XIAP: variants seen among roughly 807,000 people sequenced by gnomAD.
XIAP encodes E3 ubiquitin-protein ligase XIAP.
In XIAP, 3 loss-of-function variants were observed where a neutral mutation model predicts 33.1. That is an observed-to-expected ratio of 0.09 (90% CI 0.04 to 0.23). XIAP has a LOEUF of 0.23. XIAP is among the 10% of genes least tolerant of loss of function. The pLI, the probability that XIAP is intolerant of heterozygous loss-of-function variation, is 1.00. For synonymous variants in XIAP, 98 were observed against 121.3 expected, an observed-to-expected ratio of 0.81 and a Z score of 1.26; for missense variants, 264 against 363.0, an observed-to-expected ratio of 0.73 and a Z score of 2.22.
intron 1 of XIAP, among the ~76,000 whole-genome samples, chrX:123,880,696 C>T (rs1195267854): frequency 9.9e-6 from 1 of 100,915 alleles, no homozygotes; most frequent in Non-Finnish European, 2.0e-5. Flanking sequence ...GAGATCACGC[C>T]ATTTCACTCC....
chrX:123,873,926 T>C (rs1205327425), intron 1 of XIAP: 1 of 95,225 alleles, frequency 1.1e-5, no homozygotes, highest in Non-Finnish European at 2.1e-5. Context: ...ACAGCAAGAG[T>C]CCGTCTGAAA....
chrX:123,886,396 G>A lies in XIAP; in HGVS notation c.734G>A (p.Ser245Asn). Residue 245 changes from serine (S) to asparagine (N), a missense_variant, in exon 2 of 7, where the codon AGT becomes AAT. By Grantham distance (46) the Ser-to-Asn change is conservative. Coordinates refer to ENST00000371199, the MANE Select transcript of XIAP (RefSeq NM_001167.4). ...ATTCGAAGTGAATCTGATGCTGTGA[G>A]TTCTGATAGGAATTTCCCAAATTCA... Reference protein sequence around the residue: ...LNIRSESDAVSSDRNFPNSTN... With the variant: ...LNIRSESDAVNSDRNFPNSTN... 1.7e-6 allele frequency: 2 copies of A among 1,211,867 alleles called. No individual in the cohort carries two copies. Among genetic ancestry groups the A allele is most frequent in the Admixed American group, 2.2e-5 (1 of 46,002 alleles).
rs917621009 is a variant in XIAP at position 123,909,546 on chromosome X, T to C, written c.*2365T>C. Reference sequence around the variant, plus strand: ...GTGTTAAAATTTTTAAAATATGTTTTCCAGGACACTTCACTTCCAAGTCAG... The same window carrying C: ...GTGTTAAAATTTTTAAAATATGTTTCCCAGGACACTTCACTTCCAAGTCAG... On this transcript the variant is annotated 3_prime_UTR_variant, in exon 7 of 7. Coordinates refer to ENST00000371199, the MANE Select transcript of XIAP (RefSeq NM_001167.4). The C allele has an allele frequency of 2.8e-5, 9 of 326,394 alleles. No homozygotes were observed. The highest frequency in any genetic ancestry group is 4.7e-5 in the Non-Finnish European group (8 of 169,589). The allele number at this position is 326,394 out of a possible 1,213,427, so 26.9% of individuals were successfully genotyped here. A position where few individuals can be genotyped will look rare whatever the true frequency, so the allele number is the denominator to read the frequency against.
intron 6 of XIAP, among the ~76,000 whole-genome samples, chrX:123,905,951 C>G (rs1156244229): frequency 8.9e-6 from 1 of 112,406 alleles, no homozygotes; most frequent in Non-Finnish European, 1.9e-5. Context: ...TTTAAAAATG[C>G]CCCAGGTTAT....
rs2053065842 is a variant in XIAP, at chrX:123,860,260, C to T, written c.-66C>T. The T allele has an allele frequency of 3.0e-6, 1 of 328,845 alleles. No homozygotes were observed. The highest frequency in any genetic ancestry group is 5.9e-6 in the Non-Finnish European group (1 of 169,869). The allele number at this position is 328,845 out of a possible 1,213,427, so 27.1% of individuals were successfully genotyped here. On this transcript the variant is annotated 5_prime_UTR_variant, in exon 1 of 7. Transcript: ENST00000371199. ...CCCTCCCCTTGGACCGAGCCGATCG[C>T]CGCGGGGCAGTTCGGGCCGGCTGTC... is the stretch of plus-strand genomic sequence containing the variant.
At chrX:123,898,836 A>G (rs2053483634) in intron 5 of XIAP, among the ~76,000 whole-genome samples, 1 of 104,528 alleles carries the variant, frequency 9.6e-6, no homozygotes, top group Admixed American at 1.0e-4. Context: ...ATATACATAC[A>G]GTAGCCGGGC....
chrX:123,868,398 CT>C (rs2053163890), intron 1 of XIAP, among the ~76,000 whole-genome samples: 1 of 110,859 alleles, frequency 9.0e-6, no homozygotes, highest in African/African-American at 3.3e-5. Flanking sequence ...GTTTTTAAGC[CT>C]GATTATCTGA....
At chrX:123,869,456 G>A (rs1177320710) in intron 1 of XIAP, among the ~76,000 whole-genome samples, 4 of 107,240 alleles carry the variant, frequency 3.7e-5, no homozygotes, top group African/African-American at 1.0e-4. Flanking sequence ...CCTGGGAGGT[G>A]GAGGTTGCAG....
intron 1 of XIAP, among the ~76,000 whole-genome samples, chrX:123,861,247 A>G (rs1235623126): frequency 1.8e-5 from 2 of 111,875 alleles, no homozygotes; most frequent in African/African-American, 3.2e-5. Context: ...AACCCATGTT[A>G]TCTGGCTTCT....
chrX:123,874,869 A>ATTTTTT (rs773693860), intron 1 of XIAP, among the ~76,000 whole-genome samples: 21 of 42,745 alleles, frequency 4.9e-4, no homozygotes, highest in Non-Finnish European at 6.0e-4. Flanking sequence ...TAATTCTTGT[A>ATTTTTT]TTTTTTTTTT....
At chrX:123,906,127 G>C (rs185607165) in intron 6 of XIAP, among the ~76,000 whole-genome samples, 28 of 112,902 alleles carry the variant, frequency 2.5e-4, no homozygotes, top group Admixed American at 1.9e-3. Context: ...TGCTGCTGCT[G>C]TTGTCATTAT....
intron 3 of XIAP, 72 bp downstream of exon 3, chrX:123,888,790 C>T: frequency 1.0e-6 from 1 of 960,823 alleles, no homozygotes; most frequent in Non-Finnish European, 1.5e-6. Flanking sequence ...TTACTTTTTA[C>T]CTCAACTATT....
In XIAP at chrX:123,912,889, C is replaced by T. The variant is rs1198980509; in HGVS notation, c.*5708C>T. 3.1e-6 allele frequency: 1 copy of T among 327,151 alleles called. No homozygotes were observed. The highest frequency in any genetic ancestry group is 3.1e-5 in the Admixed American group (1 of 31,905). 27.0% of individuals were successfully genotyped at this position (327,151 alleles called of 1,213,427 possible). A position where few individuals can be genotyped will look rare whatever the true frequency, so the allele number is the denominator to read the frequency against. Reference sequence around the variant, plus strand: ...CAGGCTAGTCTTGAATTTCTGACCTCAAGTGATTCATCTCCCAAAGTGCTG... The same window carrying T: ...CAGGCTAGTCTTGAATTTCTGACCTTAAGTGATTCATCTCCCAAAGTGCTG... On this transcript the variant is annotated 3_prime_UTR_variant, in exon 7 of 7. Coordinates refer to ENST00000371199, the MANE Select transcript of XIAP (RefSeq NM_001167.4).
At chrX:123,859,748 T>A, upstream of XIAP, 1 of 189,407 alleles carries the variant, frequency 5.3e-6, no homozygotes, top group Non-Finnish European at 9.1e-6. Flanking sequence ...GGTCAGCTTC[T>A]CGGTTCCAGC....
At chrX:123,869,136 G>T (rs2053169788) in intron 1 of XIAP, among the ~76,000 whole-genome samples, 3 of 110,060 alleles carry the variant, frequency 2.7e-5, no homozygotes, top group Non-Finnish European at 5.7e-5. Flanking sequence ...TGCTGCCATT[G>T]TGCATTCCCT....
At chrX:123,869,379 A>AAAAAAAAAAAAAAAAAAAAAAAAAC (rs2053173277) in intron 1 of XIAP, among the ~76,000 whole-genome samples, 1 of 100,215 alleles carries the variant, frequency 1.0e-5, no homozygotes, top group Non-Finnish European at 2.0e-5. Context: ...AAAAAAAAAA[A>AAAAAAAAAAAAAAAAAAAAAAAAAC]AAAAAGCTGG....
At chrX:123,906,836 T>C (rs1399894173) in intron 6 of XIAP, 152 bp from the exon 7 acceptor site, 4 of 577,575 alleles carry the variant, frequency 6.9e-6, no homozygotes, top group Admixed American at 3.5e-5. Context: ...GCGTGTGAGC[T>C]ATTTAAGAGC....
chrX:123,887,889 C>G (rs2053366359), intron 2 of XIAP, among the ~76,000 whole-genome samples: 1 of 109,440 alleles, frequency 9.1e-6, no homozygotes, highest in African/African-American at 3.3e-5. Flanking sequence ...GAGACTGAGG[C>G]AGGAGAATCA....
chrX:123,866,551 A>G (rs1452970613), intron 1 of XIAP, among the ~76,000 whole-genome samples: 1 of 97,144 alleles, frequency 1.0e-5, no homozygotes, highest in African/African-American at 3.8e-5. Flanking sequence ...TGTATATAAT[A>G]ATGTATGATA....
Sources: gnomAD v4.1 joint callset for allele counts (sites outside exome capture counted in the v4.1 genomes callset) on GRCh38, gnomAD v4.1.1 for gene constraint, MANE v1.5 for transcripts, NCBI Gene and HGNC (gene_info 2026-07-23, HGNC 2026-07-21) for gene names.